The following ADAM10 variants were observed in gnomAD, a reference collection of about 807,000 sequenced individuals.
The protein encoded by ADAM10 is ADAM metallopeptidase domain 10.
Under a neutral mutation model 90.1 loss-of-function variants are expected in ADAM10, and 17 were observed. The ratio of observed to expected loss-of-function variants is 0.19; its 90% CI spans 0.13 to 0.28. ADAM10 has a LOEUF of 0.28. Among genes scored for constraint, ADAM10 ranks in the 10% least tolerant of loss-of-function variants. The pLI, the probability that ADAM10 is intolerant of heterozygous loss-of-function variation, is 1.00. For synonymous variants in ADAM10, 310 were observed against 298.6 expected, an observed-to-expected ratio of 1.04 and a Z score of -0.40; for missense variants, 610 against 914.3, an observed-to-expected ratio of 0.67 and a Z score of 4.29.
chr15:58,634,088 A>G (rs1896182108), intron 8 of ADAM10, among the ~76,000 whole-genome samples: 1 of 152,134 alleles, frequency 6.6e-6, no homozygotes, highest in Non-Finnish European at 1.5e-5. Flanking sequence ...AGGCAGGCAG[A>G]TCACTTGAGG....
At chr15:58,703,573 G>T (rs1023700701) in intron 2 of ADAM10, among the ~76,000 whole-genome samples, 4 of 152,106 alleles carry the variant, frequency 2.6e-5, no homozygotes, top group South Asian at 2.1e-4. Flanking sequence ...AAAACATCAT[G>T]ATAAGTTAAA....
chr15:58,691,673 C>CTT, intron 2 of ADAM10: 2 of 256,924 alleles, frequency 7.8e-6, no homozygotes, highest in Non-Finnish European at 1.5e-5. Flanking sequence ...GCCACTTCTT[C>CTT]TTCTTTTTTT....
intron 1 of ADAM10, chr15:58,733,167 A>T (rs1460039542): frequency 6.6e-6 from 1 of 152,252 alleles, no homozygotes; most frequent in Non-Finnish European, 1.5e-5. Flanking sequence ...ATGTTGTCTC[A>T]TTGTTCAAAA....
intron 11 of ADAM10, among the ~76,000 whole-genome samples, chr15:58,616,682 T>C (rs1192393489): frequency 1.3e-5 from 2 of 151,974 alleles, no homozygotes; most frequent in African/African-American, 2.4e-5. Flanking sequence ...ATAGAAAAAG[T>C]AGAAAGATAA....
intron 2 of ADAM10, among the ~76,000 whole-genome samples, chr15:58,690,071 T>C (rs933745162): frequency 6.6e-6 from 1 of 150,948 alleles, no homozygotes; most frequent in Non-Finnish European, 1.5e-5. Flanking sequence ...GCAAATGAAG[T>C]AATAAGAGGC....
At chr15:58,728,259 G>A (rs1007304209) in intron 1 of ADAM10, among the ~76,000 whole-genome samples, 1 of 152,168 alleles carries the variant, frequency 6.6e-6, no homozygotes, top group South Asian at 2.1e-4. Flanking sequence ...ATGGAAATTA[G>A]AAAGTATTTT....
intron 1 of ADAM10, among the ~76,000 whole-genome samples, chr15:58,749,255 G>C (rs1449934390): frequency 6.6e-6 from 1 of 152,184 alleles, no homozygotes; most frequent in Admixed American, 6.5e-5. Flanking sequence ...GGGGGGCGGG[G>C]AAGGCCTCGC....
chr15:58,656,019 T>C (rs536666565), intron 5 of ADAM10, among the ~76,000 whole-genome samples: 55 of 151,964 alleles, frequency 3.6e-4, no homozygotes, highest in Admixed American at 1.1e-3. Context: ...ACTGCTGAGA[T>C]TACAGGCGTG....
chr15:58,629,145 A>G (rs975805898), intron 9 of ADAM10: 7 of 152,278 alleles, frequency 4.6e-5, no homozygotes, highest in Non-Finnish European at 7.3e-5. Flanking sequence ...ATCACAGAAT[A>G]TCTTGCCACT....
At chr15:58,674,344 T>C (rs1184065539) in intron 4 of ADAM10, among the ~76,000 whole-genome samples, 3 of 152,192 alleles carry the variant, frequency 2.0e-5, no homozygotes, top group Admixed American at 6.5e-5. Context: ...AGTAGAGAGA[T>C]TAACCAATAC....
At chr15:58,639,357 T>A (rs184464899) in intron 8 of ADAM10, among the ~76,000 whole-genome samples, 203 of 152,350 alleles carry the variant, frequency 1.3e-3, no homozygotes, top group Non-Finnish European at 2.5e-3. Context: ...TGTTTGAGAC[T>A]TCACAGCTAC....
intron 1 of ADAM10, among the ~76,000 whole-genome samples, chr15:58,734,545 C>A (rs1480317339): frequency 2.0e-5 from 3 of 151,808 alleles, no homozygotes; most frequent in African/African-American, 7.3e-5. Context: ...ACAACAAATA[C>A]AAAAATCAGC....
At chr15:58,718,568 C>A (rs1898739683) in intron 1 of ADAM10, among the ~76,000 whole-genome samples, 1 of 152,168 alleles carries the variant, frequency 6.6e-6, no homozygotes, top group African/African-American at 2.4e-5. Flanking sequence ...TTATTTCCCA[C>A]TACTGAGGCA....
intron 12 of ADAM10, 61 bp from the exon 13 acceptor site, chr15:58,611,168 G>C: frequency 8.1e-7 from 1 of 1,232,096 alleles, no homozygotes; most frequent in Non-Finnish European, 1.2e-6. Flanking sequence ...ATTTTTTATA[G>C]TAACAGACAG....
chr15:58,716,639 A>G (rs1220958984), intron 2 of ADAM10, among the ~76,000 whole-genome samples: 1 of 152,226 alleles, frequency 6.6e-6, no homozygotes, highest in Non-Finnish European at 1.5e-5. Flanking sequence ...CTGGCTAACA[A>G]TCATTAATTG....
At chr15:58,748,739 T>C in intron 1 of ADAM10, 1 of 393,926 alleles carries the variant, frequency 2.5e-6, no homozygotes, top group Non-Finnish European at 4.5e-6. Context: ...TTTACCCTTC[T>C]CCCGACCAAA....
intron 5 of ADAM10, among the ~76,000 whole-genome samples, chr15:58,664,772 A>T (rs1897041752): frequency 6.6e-6 from 1 of 152,156 alleles, no homozygotes; most frequent in Non-Finnish European, 1.5e-5. Flanking sequence ...TACCTTGGCA[A>T]ACCAAGGCAA....
chr15:58,684,117 T>C (rs1335308627), intron 2 of ADAM10, among the ~76,000 whole-genome samples: 1 of 152,198 alleles, frequency 6.6e-6, no homozygotes, highest in Non-Finnish European at 1.5e-5. Context: ...ATAGTTCTTA[T>C]ACTGTATTGT....
At chr15:58,660,430 A>C (rs923200168) in intron 5 of ADAM10, among the ~76,000 whole-genome samples, 1 of 151,238 alleles carries the variant, frequency 6.6e-6, no homozygotes, top group Admixed American at 6.6e-5. Flanking sequence ...TTTTTTTTTT[A>C]ATCACTCTAA....
Sources: allele counts gnomAD v4.1 joint callset (sites outside exome capture counted in the v4.1 genomes callset), GRCh38; gene constraint gnomAD v4.1.1; transcripts MANE v1.5; gene names NCBI Gene and HGNC (gene_info 2026-07-23, HGNC 2026-07-21).